The following MAPK6 variants were observed in gnomAD, a reference collection of about 807,000 sequenced individuals.
MAPK6 encodes the protein ERK-3.
MAPK6 carries 19 observed loss-of-function variants against 59.3 expected under a neutral mutation model. The ratio of observed to expected loss-of-function variants is 0.32; its 90% confidence interval spans 0.22 to 0.47. The LOEUF (loss-of-function observed/expected upper bound fraction) is 0.47. MAPK6 is among the 20% of genes least tolerant of loss of function. The pLI is 1.00. For missense variants in MAPK6, 724 were observed against 847.9 expected, an observed-to-expected ratio of 0.85 and a Z score of 1.81; for synonymous variants, 316 against 290.3, an observed-to-expected ratio of 1.09 and a Z score of -0.90.
At position 52,031,106 on chromosome 15, in the gene MAPK6, T is replaced by C. The variant is rs982029001; in HGVS notation, c.-632+11730T>C. 3.2e-4 allele frequency among the ~76,000 whole-genome samples: 49 copies of C among 152,090 alleles called. 1 individual carries two copies. The highest frequency in any genetic ancestry group is 1.2e-4 in the Non-Finnish European group (8 of 68,004). ...ACCATGCCTGGCCTTAATTTTTGTA[T>C]TTTTAGTAGAGAGACAGGGTTTCCC... On this transcript the variant is annotated intron_variant, in intron 1 of 5. Coordinates refer to ENST00000261845, the MANE Select transcript of MAPK6 (RefSeq NM_002748.4).
At chr15:51,981,110 C>T (rs1456336837) in intron 1 of MAPK6, among the ~76,000 whole-genome samples, 2 of 151,668 alleles carry the variant, frequency 1.3e-5, no homozygotes, top group Non-Finnish European at 2.9e-5. Context: ...TAAATTACTC[C>T]CTATACAAAT....
intron 2 of MAPK6, among the ~76,000 whole-genome samples, chr15:51,986,333 A>G (rs2057191118): frequency 6.6e-6 from 1 of 151,664 alleles, no homozygotes; most frequent in African/African-American, 2.4e-5. Context: ...ACAGAACCAA[A>G]CCATATCAGT....
chr15:52,008,627 G>A (rs1356915726), intron 3 of MAPK6, among the ~76,000 whole-genome samples: 1 of 152,148 alleles, frequency 6.6e-6, no homozygotes, highest in Admixed American at 6.6e-5. Context: ...CACAACACGA[G>A]TTCAAAGATA....
rs964775744 is a variant in MAPK6 at position 51,998,687 on chromosome 15, A to ATTTTTTTTTTT, written c.-769-5567_-769-5557dup. On this transcript the variant is annotated intron_variant, in intron 2 of 7. Coordinates refer to the MAPK6 transcript ENST00000691380. ...AGGCGTGCGCCACCATGCCTGGTTAATTTTTTTTTTTTTTTTTTTTTGAGA... is the reference window on the plus strand; with the variant it reads ...AGGCGTGCGCCACCATGCCTGGTTAATTTTTTTTTTTTTTTTTTTTTTTTTTTTTTTTGAGA... Among the ~76,000 whole-genome samples the ATTTTTTTTTTT allele has an allele frequency of 3.4e-3, 132 of 38,490 alleles. 37 individuals are homozygous for ATTTTTTTTTTT. Among genetic ancestry groups the ATTTTTTTTTTT allele is most frequent in the African/African-American group, 0.011 (124 of 11,368 alleles). 25.3% of individuals were successfully genotyped at this position (38,490 alleles called of 152,430 possible). A position where few individuals can be genotyped will look rare whatever the true frequency, so the allele number is the denominator to read the frequency against.
rs2031692317 is a variant in MAPK6 at position 52,049,078 on chromosome 15, A to C, written c.556-915A>C. ...AAATGGAGTTAATATCTACCATCAC[A>C]ATCTCTCAGGGTAGTTTTGAGGATG... is the stretch of plus-strand genomic sequence containing the variant. On this transcript the variant is annotated intron_variant, in intron 2 of 5. Transcript: ENST00000261845. 2.0e-5 allele frequency among the ~76,000 whole-genome samples: 3 copies of C among 152,196 alleles called. No individual in the cohort carries two copies. The South Asian group carries it at 6.2e-4, about 32-fold the overall frequency.
intron 1 of MAPK6, among the ~76,000 whole-genome samples, chr15:52,032,816 C>T (rs2031091560): frequency 6.6e-6 from 1 of 152,218 alleles, no homozygotes; most frequent in Admixed American, 6.5e-5. Flanking sequence ...TCCCTAGCAG[C>T]TGGGATTACA....
At chr15:51,985,957 C>CAAAAAAAA (rs1179326978) in intron 2 of MAPK6, among the ~76,000 whole-genome samples, 4 of 137,154 alleles carry the variant, frequency 2.9e-5, no homozygotes, top group African/African-American at 8.1e-5. Flanking sequence ...GACTCCGTCT[C>CAAAAAAAA]AAAAAAAAAA....
intron 1 of MAPK6, among the ~76,000 whole-genome samples, chr15:52,024,402 C>CTTTTTT (rs1197373755): frequency 1.4e-5 from 2 of 139,262 alleles, no homozygotes; most frequent in African/African-American, 2.6e-5. Flanking sequence ...TTTTCTTTTT[C>CTTTTTT]TTTTTTTTTT....
intron 2 of MAPK6, among the ~76,000 whole-genome samples, chr15:52,047,332 G>T (rs1454724521): frequency 1.3e-5 from 2 of 152,074 alleles, no homozygotes; most frequent in Non-Finnish European, 2.9e-5. Flanking sequence ...GGTAAGAGGG[G>T]ATGCTATTTC....
upstream of MAPK6, chr15:52,017,995 G>A (rs1467777269): frequency 6.6e-6 from 1 of 151,988 alleles, no homozygotes; most frequent in Non-Finnish European, 1.5e-5. Flanking sequence ...AAAATATAAA[G>A]CATTCAAGCT....
chr15:52,001,185 G>C (rs1238796407), intron 2 of MAPK6, among the ~76,000 whole-genome samples: 1 of 152,126 alleles, frequency 6.6e-6, no homozygotes, highest in Non-Finnish European at 1.5e-5. Flanking sequence ...GTCATGTGAA[G>C]ACATAGCATT....
intron 5 of MAPK6, among the ~76,000 whole-genome samples, chr15:52,062,966 AT>A (rs796987308): frequency 9.9e-5 from 15 of 152,042 alleles, no homozygotes; most frequent in South Asian, 8.3e-4. Flanking sequence ...TTAAGAAGAA[AT>A]TTTTTTCCCC....
chr15:51,990,256 A>C lies in MAPK6; in HGVS notation c.-770+6941A>C, dbSNP rs563042452. Among the ~76,000 whole-genome samples the C allele has an allele frequency of 8.1e-4, 124 of 152,308 alleles. 1 individual carries two copies. The South Asian group carries it at 0.024, about 30-fold the overall frequency. ...GAGTTAATAGGGAAAAAAATACAAC[A>C]AAGTAGCCTAGATTTTCGATAATGC... is the stretch of plus-strand genomic sequence containing the variant. On this transcript the variant is annotated intron_variant, in intron 2 of 7. Transcript: ENST00000691380.
intron 1 of MAPK6, among the ~76,000 whole-genome samples, chr15:52,026,069 G>C (rs114024887): frequency 9.8e-5 from 15 of 152,298 alleles, no homozygotes; most frequent in African/African-American, 3.6e-4. Flanking sequence ...AAGCAAGTCA[G>C]TTTCTTTCCA....
Position 52,064,609 on chromosome 15 carries a change from C to A in MAPK6, c.1775C>A (p.Ser592Tyr). 6.2e-7 allele frequency: 1 copy of A among 1,611,830 alleles called. No homozygotes were observed. Among genetic ancestry groups the A allele is most frequent in the Non-Finnish European group, 8.5e-7 (1 of 1,179,738 alleles). Residue 592 changes from serine to tyrosine, a missense_variant, in exon 6 of 6, where the codon TCT (serine) becomes TAT (tyrosine). Physicochemically the swap from Ser to Tyr is moderately radical, Grantham distance 144 (BLOSUM62 -2). Around this residue, in one of 4 missense-constraint regions of MAPK6, gnomAD observed 502 missense variants for 507.6 expected, o/e 0.99. Transcript: ENST00000261845. ...CAATTAGAAGCCTTGTACCAGTCTT[C>A]TTGGGACAGCCAGTTTGTGAGTGGT... ...LAQLEALYQS[S>Y]WDSQFVSGGE...
At chr15:51,997,447 A>G (rs2057227918) in intron 2 of MAPK6, among the ~76,000 whole-genome samples, 1 of 147,332 alleles carries the variant, frequency 6.8e-6, no homozygotes, top group South Asian at 2.2e-4. Context: ...TTTAGTAGAC[A>G]GGGTTTCACC....
In MAPK6 at chr15:52,048,655, G is replaced by C. The variant is rs73400720; in HGVS notation, c.556-1338G>C. Among the ~76,000 whole-genome samples, 6 of 152,084 alleles carry C rather than the reference G, an allele frequency of 3.9e-5. No individual in the cohort carries two copies. The South Asian group carries it at 1.2e-3, about 32-fold the overall frequency. On this transcript the variant is annotated intron_variant, in intron 2 of 5. Transcript: ENST00000261845. The stretch of plus-strand genomic sequence containing the variant: ...AGAAAATGAGTTCTAGGCTGGAAGC[G>C]CGGTGGCCCCTGCCTGTAATCTCAG...
chr15:51,986,981 T>G (rs1456633879), intron 2 of MAPK6, among the ~76,000 whole-genome samples: 1 of 152,202 alleles, frequency 6.6e-6, no homozygotes, highest in Non-Finnish European at 1.5e-5. Context: ...CTATTTAATT[T>G]TGCTCAAAGT....
upstream of MAPK6, among the ~76,000 whole-genome samples, chr15:52,015,483 T>G (rs1424363913): frequency 6.6e-6 from 1 of 150,982 alleles, no homozygotes; most frequent in Non-Finnish European, 1.5e-5. Flanking sequence ...AATGGGATTT[T>G]TTTTTTTTTT....
Sources: allele counts gnomAD v4.1 joint callset (sites outside exome capture counted in the v4.1 genomes callset), GRCh38; gene constraint gnomAD v4.1.1; regional missense constraint gnomAD v4.1.1; transcripts MANE v1.5; gene names NCBI Gene and HGNC (gene_info 2026-07-23, HGNC 2026-07-21).